PCDH10: variants seen among roughly 807,000 people sequenced by gnomAD.
PCDH10 encodes protocadherin 10.
A neutral mutation model predicts 74.4 loss-of-function variants in PCDH10; 15 were observed. The ratio of observed to expected loss-of-function variants is 0.20; its 90% CI spans 0.13 to 0.31. The LOEUF (loss-of-function observed/expected upper bound fraction) is 0.31. Ranked by LOEUF, PCDH10 falls within the 10% of genes least tolerant of loss-of-function variation. The pLI, the probability that PCDH10 is intolerant of heterozygous loss-of-function variation, is 1.00. For synonymous variants in PCDH10, 619 were observed against 589.8 expected, an observed-to-expected ratio of 1.05 and a Z score of -0.72; for missense variants, 1,260 against 1,390.2, an observed-to-expected ratio of 0.91 and a Z score of 1.49.
chr4:133,183,854 A>G (rs1727470790), intron 4 of PCDH10, among the ~76,000 whole-genome samples: 1 of 152,136 alleles, frequency 6.6e-6, no homozygotes, highest in African/African-American at 2.4e-5. Context: ...TGTCTATGAG[A>G]CAATTATTAT....
chr4:133,182,511 A>C (rs1727438493), intron 4 of PCDH10, among the ~76,000 whole-genome samples: 1 of 152,124 alleles, frequency 6.6e-6, no homozygotes, highest in South Asian at 2.1e-4. Flanking sequence ...ATAAATTTTA[A>C]GGATACTTCA....
intron 4 of PCDH10, among the ~76,000 whole-genome samples, chr4:133,165,196 T>G (rs909418455): frequency 6.6e-6 from 1 of 150,932 alleles, no homozygotes; most frequent in Non-Finnish European, 1.5e-5. Flanking sequence ...AGGGTTTGGG[T>G]TGACGTGTGA....
At chr4:133,152,997 G>A in intron 1 of PCDH10, 2 of 1,439,008 alleles carry the variant, frequency 1.4e-6, no homozygotes, top group Non-Finnish European at 1.8e-6. Flanking sequence ...CGTCCCCTTG[G>A]TACTTTGCCA....
rs1210216695 is a variant in PCDH10 at position 133,151,351 on chromosome 4, G to A, written c.1211G>A (p.Arg404His). ...GAGCTACTGGGAGACGTGCCTTTCC[G>A]CCTCAAGTCTTCCTTTAAGAATTAC... ...QCELLGDVPF[R>H]LKSSFKNYYT... The change falls in exon 1 of 5, where the codon CGC (arginine) becomes CAC (histidine). Residue 404 changes from arginine (R) to histidine (H), a missense_variant. Transcript: ENST00000264360. The A allele has an allele frequency of 6.2e-7, 1 of 1,614,130 alleles. No individual in the cohort carries two copies. The highest frequency in any genetic ancestry group is 2.2e-5 in the East Asian group (1 of 44,836).
intron 4 of PCDH10, among the ~76,000 whole-genome samples, chr4:133,188,459 G>A (rs1019059223): frequency 2.0e-5 from 3 of 151,930 alleles, no homozygotes; most frequent in Non-Finnish European, 4.4e-5. Context: ...TAATAATTCC[G>A]TTTACTTGTA....
intron 3 of PCDH10, among the ~76,000 whole-genome samples, chr4:133,158,349 A>G (rs1385992739): frequency 1.3e-5 from 2 of 152,132 alleles, no homozygotes; most frequent in Non-Finnish European, 2.9e-5. Context: ...ATTGTCAATA[A>G]TGCTAAGCTT....
At chr4:133,162,688 G>A (rs553315843) in intron 3 of PCDH10, among the ~76,000 whole-genome samples, 2 of 152,148 alleles carry the variant, frequency 1.3e-5, no homozygotes, top group Non-Finnish European at 2.9e-5. Context: ...TATTTAAATT[G>A]TTTAGAGCCA....
chr4:133,177,424 A>G (rs1727316969), intron 4 of PCDH10, among the ~76,000 whole-genome samples: 2 of 152,112 alleles, frequency 1.3e-5, no homozygotes, highest in Admixed American at 1.3e-4. Context: ...TACAGCTTAT[A>G]GTTTATTCAA....
chr4:133,183,330 A>T (rs1006915409), intron 4 of PCDH10, among the ~76,000 whole-genome samples: 1 of 152,136 alleles, frequency 6.6e-6, no homozygotes, highest in Non-Finnish European at 1.5e-5. Flanking sequence ...ATGAGAAGGT[A>T]GTTTTGATTT....
intron 4 of PCDH10, among the ~76,000 whole-genome samples, chr4:133,188,096 A>G (rs760746712): frequency 6.6e-6 from 1 of 152,142 alleles, no homozygotes; most frequent in Non-Finnish European, 1.5e-5. Context: ...GATTTTTACT[A>G]TTAACAGGAA....
At position 133,149,964 on chromosome 4, in the gene PCDH10, C is replaced by A. The variant is rs1211805236; in HGVS notation, c.-177C>A. On this transcript the variant is annotated 5_prime_UTR_variant, in exon 1 of 5. An upstream open reading frame in the 5' UTR gains an earlier in-frame stop. Coordinates refer to ENST00000264360, the MANE Select transcript of PCDH10 (RefSeq NM_032961.3). ...TTTAAAAAAAAATGAGGCTGGATTG[C>A]GGGAAGCTCTAAAATGAAGCAAAAG... The A allele has an allele frequency of 2.4e-6, 2 of 830,282 alleles. No individual in the cohort carries two copies. Among genetic ancestry groups the A allele is most frequent in the East Asian group, 3.0e-5 (1 of 33,464 alleles). The allele number at this position is 830,282 out of a possible 1,614,324, so 51.4% of individuals were successfully genotyped here.
intron 4 of PCDH10, among the ~76,000 whole-genome samples, chr4:133,165,508 T>G (rs188324713): frequency 5.4e-4 from 82 of 151,882 alleles, no homozygotes; most frequent in African/African-American, 2.0e-3. Context: ...CCTTTTTCAT[T>G]CAGAATAGAA....
intron 2 of PCDH10, among the ~76,000 whole-genome samples, 157 bp downstream of exon 2, chr4:133,154,522 C>A (rs1726820527): frequency 6.6e-6 from 1 of 152,090 alleles, no homozygotes; most frequent in Non-Finnish European, 1.5e-5. Context: ...CTAGACAATA[C>A]ATTAAAAATT....
intron 4 of PCDH10, among the ~76,000 whole-genome samples, chr4:133,188,394 C>T (rs1299398731): frequency 6.6e-6 from 1 of 152,052 alleles, no homozygotes; most frequent in East Asian, 1.9e-4. Flanking sequence ...ATAAGTTTCT[C>T]ATGAAACAGT....
At chr4:133,164,960 C>T (rs967599785) in intron 4 of PCDH10, among the ~76,000 whole-genome samples, 1 of 147,464 alleles carries the variant, frequency 6.8e-6, no homozygotes, top group African/African-American at 2.5e-5. Context: ...CATATATATA[C>T]ACATATATTC....
intron 1 of PCDH10, chr4:133,153,017 T>C: frequency 7.0e-7 from 1 of 1,431,978 alleles, no homozygotes. Context: ...ACCTTGGAGC[T>C]CCCTCCTTTG....
intron 2 of PCDH10, among the ~76,000 whole-genome samples, chr4:133,207,577 T>A (rs1051430759): frequency 5.3e-5 from 8 of 152,160 alleles, no homozygotes; most frequent in African/African-American, 1.9e-4. Flanking sequence ...AGGTTTTTTT[T>A]TCAAATCTCA....
chr4:133,201,706 A>C (rs1727912629), intron 2 of PCDH10, among the ~76,000 whole-genome samples: 1 of 151,968 alleles, frequency 6.6e-6, no homozygotes. Context: ...AAAATACAAA[A>C]TTAGCCGGGC....
intron 4 of PCDH10, among the ~76,000 whole-genome samples, chr4:133,175,222 T>A (rs908823327): frequency 1.3e-5 from 2 of 152,094 alleles, no homozygotes; most frequent in Non-Finnish European, 2.9e-5. Context: ...TCCTCTCTAA[T>A]TTCAAAGGGA....
Sources: allele counts gnomAD v4.1 joint callset (sites outside exome capture counted in the v4.1 genomes callset), GRCh38; gene constraint gnomAD v4.1.1; transcripts MANE v1.5; gene names NCBI Gene and HGNC (gene_info 2026-07-23, HGNC 2026-07-21).